Variants in ADGRL2 observed in about 807,000 individuals in gnomAD.
ADGRL2 encodes calcium-independent alpha-latrotoxin receptor 2.
Under a neutral mutation model 157.4 loss-of-function variants are expected in ADGRL2, and 44 were observed. The observed-to-expected ratio is 0.28, with a 90% CI of 0.22 to 0.36. The LOEUF is 0.36. Among genes scored for constraint, ADGRL2 ranks in the 10% least tolerant of loss-of-function variants. The pLI is 1.00. For missense variants in ADGRL2, 1,510 were observed against 1,768.9 expected (o/e 0.85, Z 2.63); for synonymous variants, 585 against 624.7 (o/e 0.94, Z 0.95).
chr1:81,981,180 C>T (rs1222457783), intron 18 of ADGRL2: 5 of 371,878 alleles, frequency 1.3e-5, no homozygotes, highest in Admixed American at 3.2e-5. Flanking sequence ...ATGGAATGCA[C>T]TGACTTTAAA....
chr1:81,377,371 A>C (rs1402720167), intron 1 of ADGRL2, among the ~76,000 whole-genome samples: 1 of 152,182 alleles, frequency 6.6e-6, no homozygotes, highest in Non-Finnish European at 1.5e-5. Context: ...TTCTCGGTAA[A>C]TGGTACTATC....
intron 2 of ADGRL2, among the ~76,000 whole-genome samples, chr1:81,507,626 G>A (rs762119488): frequency 2.0e-5 from 3 of 152,140 alleles, no homozygotes; most frequent in South Asian, 2.1e-4. Context: ...TGTCATAAGC[G>A]GAAAAGGATT....
chr1:81,491,872 G>T lies in ADGRL2; in HGVS notation c.-248+46783G>T, dbSNP rs142374884. Among the ~76,000 whole-genome samples, 796 of 152,148 alleles carry T rather than the reference G, an allele frequency of 5.2e-3. 13 individuals are homozygous for T. Among genetic ancestry groups the T allele is most frequent in the African/African-American group, 0.019 (770 of 41,510 alleles). ...ATTATTCAGCTCTCCTTGTAAACAG[G>T]GTTGTCCAAAGTGATGTGGCCATGA... On this transcript the variant is annotated intron_variant, in intron 2 of 24. Coordinates refer to the ADGRL2 transcript ENST00000370721.
intron 2 of ADGRL2, among the ~76,000 whole-genome samples, chr1:81,476,654 G>A (rs540482370): frequency 1.6e-4 from 25 of 152,244 alleles, no homozygotes; most frequent in African/African-American, 5.8e-4. Context: ...ATCTCGCAAA[G>A]TTGCTATTTA....
At chr1:81,597,956 G>A (rs1003466345) in intron 3 of ADGRL2, among the ~76,000 whole-genome samples, 1 of 152,150 alleles carries the variant, frequency 6.6e-6, no homozygotes, top group African/African-American at 2.4e-5. Context: ...GGTACACAAT[G>A]CTGCCCAGTG....
At chr1:81,939,520 A>T (rs1450037254) in intron 4 of ADGRL2, among the ~76,000 whole-genome samples, 2 of 151,534 alleles carry the variant, frequency 1.3e-5, no homozygotes, top group Admixed American at 1.3e-4. Flanking sequence ...AATCATTATT[A>T]ATGAATAAAC....
chr1:81,766,122 A>C (rs2149326254), intron 2 of ADGRL2, among the ~76,000 whole-genome samples: 1 of 152,278 alleles, frequency 6.6e-6, no homozygotes, highest in Non-Finnish European at 1.5e-5. Context: ...GCAAAAAAAC[A>C]ATTGATGAGC....
At chr1:81,705,965 C>T (rs1017638383) in intron 1 of ADGRL2, among the ~76,000 whole-genome samples, 1 of 152,076 alleles carries the variant, frequency 6.6e-6, no homozygotes, top group Non-Finnish European at 1.5e-5. Flanking sequence ...AATCCCAGCA[C>T]TTTGGGAGGC....
chr1:81,417,722 T>G (rs2077056632), intron 1 of ADGRL2, among the ~76,000 whole-genome samples: 1 of 152,226 alleles, frequency 6.6e-6, no homozygotes, highest in Non-Finnish European at 1.5e-5. Context: ...CTTGGTTTTC[T>G]TGCTTCTAAG....
intron 2 of ADGRL2, among the ~76,000 whole-genome samples, chr1:81,537,457 A>G (rs2079768519): frequency 6.7e-6 from 1 of 149,834 alleles, no homozygotes; most frequent in Non-Finnish European, 1.5e-5. Flanking sequence ...CTAATTTTGT[A>G]TTTTTTTTAG....
chr1:81,620,981 G>A (rs978061837), intron 3 of ADGRL2, among the ~76,000 whole-genome samples: 1 of 152,212 alleles, frequency 6.6e-6, no homozygotes, highest in Non-Finnish European at 1.5e-5. Context: ...GAAATGCCAA[G>A]GTTGTACTCC....
chr1:81,541,775 C>A (rs2079888994), intron 2 of ADGRL2, among the ~76,000 whole-genome samples: 1 of 142,774 alleles, frequency 7.0e-6, no homozygotes, highest in Non-Finnish European at 1.5e-5. Flanking sequence ...CATGGAGAAA[C>A]CCCGTCTCTA....
intron 3 of ADGRL2, among the ~76,000 whole-genome samples, chr1:81,934,677 G>A (rs2095283523): frequency 6.6e-6 from 1 of 151,876 alleles, no homozygotes; most frequent in South Asian, 2.1e-4. Context: ...TAAATGAAGA[G>A]TTTACTCACA....
chr1:81,810,407 T>G (rs2089713014), intron 1 of ADGRL2, among the ~76,000 whole-genome samples: 1 of 5,112 alleles, frequency 2.0e-4, no homozygotes, highest in African/African-American at 4.7e-4. Context: ...TATTACTCCT[T>G]TATTAAACTG....
At chr1:81,315,964 A>C (rs1387386396) in intron 1 of ADGRL2, among the ~76,000 whole-genome samples, 2 of 152,144 alleles carry the variant, frequency 1.3e-5, no homozygotes, top group East Asian at 3.8e-4. Context: ...AGACATTGAC[A>C]TGAATACTTA....
intron 2 of ADGRL2, among the ~76,000 whole-genome samples, chr1:81,453,978 C>A (rs573539495): frequency 7.2e-5 from 11 of 152,178 alleles, no homozygotes; most frequent in Non-Finnish European, 1.0e-4. Flanking sequence ...TTGGACTATT[C>A]TGTGAAGCTC....
chr1:81,806,838 A>G (rs1016999931), intron 1 of ADGRL2, among the ~76,000 whole-genome samples: 10 of 152,042 alleles, frequency 6.6e-5, no homozygotes, highest in African/African-American at 2.4e-4. Context: ...AGCTTTGGAA[A>G]TGGAGGAATT....
At chr1:81,359,632 A>T (rs1436227050) in intron 1 of ADGRL2, among the ~76,000 whole-genome samples, 2 of 151,962 alleles carry the variant, frequency 1.3e-5, no homozygotes, top group Non-Finnish European at 2.9e-5. Context: ...TTTTACCTTG[A>T]TCTTGCCCCT....
At chr1:81,760,812 CTG>C (rs923132512) in intron 1 of ADGRL2, among the ~76,000 whole-genome samples, 2 of 149,142 alleles carry the variant, frequency 1.3e-5, no homozygotes, top group African/African-American at 2.5e-5. Context: ...TAAAGTATTT[CTG>C]TGTTTAAATT....
Sources: allele counts gnomAD v4.1 joint callset (sites outside exome capture counted in the v4.1 genomes callset), GRCh38; gene constraint gnomAD v4.1.1; transcripts MANE v1.5; gene names NCBI Gene and HGNC (gene_info 2026-07-23, HGNC 2026-07-21).